EYS: variants seen among roughly 807,000 people sequenced by gnomAD.
EYS encodes the protein protein eyes shut homolog.
In EYS, 250 loss-of-function variants were observed where a neutral mutation model predicts 282.1. The observed-to-expected ratio is 0.89, with a 90% CI of 0.80 to 0.98. The LOEUF (loss-of-function observed/expected upper bound fraction) is 0.98. Among genes scored for constraint, EYS ranks in the 50% least tolerant of loss-of-function variants. The pLI is 0.00. For missense variants in EYS, 4,016 were observed against 3,709.0 expected (o/e 1.08, Z -2.15); for synonymous variants, 1,355 against 1,282.9 (o/e 1.06, Z -1.20).
rs561089665 is a variant in EYS at position 64,591,486 on chromosome 6, C to G, written c.4381G>C (p.Val1461Leu). 6.4e-7 allele frequency: 1 copy of G among 1,551,286 alleles called. No individual in the cohort carries two copies. The part of the protein sequence containing the change: ...IAASISATPV[V>L]SRGAQEDIEE... The stretch of plus-strand genomic sequence containing the variant: ...ATATCCTCTTGAGCCCCCCTAGAGA[C>G]AACTGGAGTTGCACTTATGGAGGCA... The change falls in exon 26 of 43, where the codon GTC (valine) becomes CTC (leucine). Residue 1461 changes from valine (V) to leucine (L), a missense_variant. Coordinates refer to ENST00000503581, the MANE Select transcript of EYS (RefSeq NM_001142800.2).
intron 12 of EYS, among the ~76,000 whole-genome samples, chr6:65,219,404 A>G (rs1766402570): frequency 6.6e-6 from 1 of 152,156 alleles, no homozygotes; most frequent in Non-Finnish European, 1.5e-5. Context: ...TGGTGATTAA[A>G]ATATAGTAGA....
At chr6:64,676,052 A>T (rs1769659088) in intron 22 of EYS, among the ~76,000 whole-genome samples, 1 of 148,986 alleles carries the variant, frequency 6.7e-6, no homozygotes, top group Non-Finnish European at 1.5e-5. Context: ...ATATCTATAT[A>T]TATGGATAGA....
chr6:64,318,230 T>G (rs1202387373), intron 29 of EYS, among the ~76,000 whole-genome samples: 1 of 152,070 alleles, frequency 6.6e-6, no homozygotes, highest in African/African-American at 2.4e-5. Context: ...TGTCTTACAT[T>G]TCTAAATATA....
chr6:64,434,936 G>A (rs1289704679), intron 28 of EYS, among the ~76,000 whole-genome samples: 1 of 151,880 alleles, frequency 6.6e-6, no homozygotes, highest in Non-Finnish European at 1.5e-5. Context: ...TTATTCAGGA[G>A]CCCATCTATG....
intron 34 of EYS, among the ~76,000 whole-genome samples, chr6:63,992,283 A>G (rs1322284090): frequency 1.3e-5 from 2 of 151,688 alleles, no homozygotes; most frequent in African/African-American, 2.4e-5. Context: ...TTGTATTGTT[A>G]TTTTTATGGT....
chr6:64,882,170 G>A (rs892412165), intron 19 of EYS, among the ~76,000 whole-genome samples: 1 of 151,658 alleles, frequency 6.6e-6, no homozygotes, highest in Non-Finnish European at 1.5e-5. Flanking sequence ...AAATACCAGG[G>A]ACAATGTCTT....
chr6:65,311,568 ATTAATAT>A (rs1357977599), intron 11 of EYS, among the ~76,000 whole-genome samples: 3 of 152,196 alleles, frequency 2.0e-5, no homozygotes, highest in Non-Finnish European at 2.9e-5. Flanking sequence ...TACTAATTAA[ATTAATAT>A]TTAATATTTA....
intron 30 of EYS, among the ~76,000 whole-genome samples, chr6:64,271,739 T>C (rs1037955548): frequency 6.6e-6 from 1 of 152,146 alleles, no homozygotes. Context: ...ACTAAACACT[T>C]TATCCACCTC....
At chr6:64,250,236 A>G (rs1324455274) in intron 30 of EYS, among the ~76,000 whole-genome samples, 2 of 152,152 alleles carry the variant, frequency 1.3e-5, no homozygotes, top group Non-Finnish European at 2.9e-5. Flanking sequence ...GAGCACATGA[A>G]CTTATGTCAC....
chr6:64,428,126 A>G (rs1035330142), intron 28 of EYS, among the ~76,000 whole-genome samples: 2 of 152,162 alleles, frequency 1.3e-5, no homozygotes, highest in Non-Finnish European at 2.9e-5. Flanking sequence ...TTATCACTCA[A>G]CAATTGCCTT....
At chr6:64,625,977 T>C (rs139663707) in intron 23 of EYS, 144 bp downstream of exon 23, 1 of 532,170 alleles carries the variant, frequency 1.9e-6, no homozygotes, top group African/African-American at 2.0e-5. Context: ...AGAATGATCA[T>C]TGCTTAAAAC....
intron 30 of EYS, among the ~76,000 whole-genome samples, chr6:64,272,508 A>T (rs1167082931): frequency 6.6e-6 from 1 of 152,020 alleles, no homozygotes; most frequent in East Asian, 1.9e-4. Flanking sequence ...TCTGTAATGG[A>T]TTTTATTTCT....
chr6:64,136,112 C>A (rs993914730), intron 31 of EYS, among the ~76,000 whole-genome samples: 1 of 150,994 alleles, frequency 6.6e-6, no homozygotes, highest in Non-Finnish European at 1.5e-5. Context: ...ACAATGTTCC[C>A]AGCATCTTCA....
intron 30 of EYS, among the ~76,000 whole-genome samples, chr6:64,242,307 A>G (rs751459120): frequency 1.6e-4 from 24 of 151,942 alleles, no homozygotes; most frequent in Admixed American, 7.2e-4. Flanking sequence ...AGAAGAGGCA[A>G]ACTCTCTGCC....
intron 11 of EYS, chr6:65,329,991 C>T (rs766941612): frequency 2.7e-5 from 27 of 982,610 alleles, no homozygotes; most frequent in Admixed American, 6.2e-5. Context: ...CCTAAAATAG[C>T]CTGTAAAGGA....
At chr6:64,882,612 T>C (rs78054201) in intron 19 of EYS, among the ~76,000 whole-genome samples, 71 of 151,878 alleles carry the variant, frequency 4.7e-4, no homozygotes, top group African/African-American at 1.7e-3. Flanking sequence ...TTTATATCTA[T>C]AGACTTATAG....
At chr6:64,845,091 C>A (rs148778714) in intron 19 of EYS, among the ~76,000 whole-genome samples, 1 of 151,988 alleles carries the variant, frequency 6.6e-6, no homozygotes, top group South Asian at 2.1e-4. Context: ...GAGTTGGAGA[C>A]CAGCCTGGGC....
intron 22 of EYS, among the ~76,000 whole-genome samples, chr6:64,634,868 A>G (rs1323284641): frequency 6.6e-6 from 1 of 152,194 alleles, no homozygotes; most frequent in Non-Finnish European, 1.5e-5. Flanking sequence ...TTTAAGAGAT[A>G]ACAAGCATGA....
At chr6:65,674,781 AC>A (rs1437339412) in intron 1 of EYS, among the ~76,000 whole-genome samples, 4 of 152,204 alleles carry the variant, frequency 2.6e-5, no homozygotes, top group East Asian at 1.9e-4. Context: ...AACAAAAAAA[AC>A]ATATTAAAGT....
Sources: allele counts gnomAD v4.1 joint callset (sites outside exome capture counted in the v4.1 genomes callset), GRCh38; gene constraint gnomAD v4.1.1; transcripts MANE v1.5; gene names NCBI Gene and HGNC (gene_info 2026-07-23, HGNC 2026-07-21).